Variants in MBNL2 observed in about 807,000 individuals in gnomAD.
MBNL2 encodes the protein muscleblind like splicing regulator 2.
A neutral mutation model predicts 41.9 loss-of-function variants in MBNL2; 17 were observed. The observed-to-expected ratio is 0.41, with a 90% CI of 0.28 to 0.61. The LOEUF is 0.61. Among genes scored for constraint, MBNL2 ranks in the 20% least tolerant of loss-of-function variants. The pLI is 0.35. For missense variants in MBNL2, 336 were observed against 505.6 expected (o/e 0.66, Z 3.22); for synonymous variants, 195 against 182.9 (o/e 1.07, Z -0.53).
intron 8 of MBNL2, among the ~76,000 whole-genome samples, chr13:97,390,199 A>G (rs1168689538): frequency 6.6e-6 from 1 of 152,188 alleles, no homozygotes; most frequent in Non-Finnish European, 1.5e-5. Context: ...GTCTGTTTCA[A>G]TAAAATAAAG....
chr13:97,296,388 A>G (rs2057013843), intron 2 of MBNL2, among the ~76,000 whole-genome samples: 3 of 152,226 alleles, frequency 2.0e-5, no homozygotes, highest in Middle Eastern at 3.2e-3. Flanking sequence ...TCAGATATAC[A>G]CAAGGGAACA....
chr13:97,353,914 A>G (rs1314547501), intron 5 of MBNL2, among the ~76,000 whole-genome samples: 1 of 152,106 alleles, frequency 6.6e-6, no homozygotes, highest in East Asian at 1.9e-4. Flanking sequence ...TTCCTACTTT[A>G]AAGTGGTAGC....
chr13:97,207,686 T>C, the MBNL2 span, among the ~76,000 whole-genome samples: 3 of 152,104 alleles, frequency 2.0e-5, no homozygotes, highest in Admixed American at 2.0e-4. Flanking sequence ...CCCTCCCAAA[T>C]CTCATGTTCT....
intron 2 of MBNL2, among the ~76,000 whole-genome samples, chr13:97,331,505 A>C (rs2060438290): frequency 6.6e-6 from 1 of 152,148 alleles, no homozygotes. Flanking sequence ...TATTATACGA[A>C]AGATCATCAT....
the MBNL2 span, among the ~76,000 whole-genome samples, chr13:97,198,913 C>T: frequency 6.6e-6 from 1 of 152,128 alleles, no homozygotes; most frequent in Non-Finnish European, 1.5e-5. Flanking sequence ...CCCACCGGTC[C>T]TCCTACCTAT....
chr13:97,203,544 C>T, the MBNL2 span, among the ~76,000 whole-genome samples: 5 of 152,098 alleles, frequency 3.3e-5, no homozygotes, highest in East Asian at 1.9e-4. Context: ...TCAAAAGCTG[C>T]GCTCACGGGT....
chr13:97,325,454 G>A (rs2059833483), intron 2 of MBNL2, among the ~76,000 whole-genome samples: 2 of 152,174 alleles, frequency 1.3e-5, no homozygotes, highest in South Asian at 2.1e-4. Context: ...TTAAAGACTG[G>A]GTGCAGTGGC....
intron 1 of MBNL2, among the ~76,000 whole-genome samples, chr13:97,244,082 T>C (rs1346493428): frequency 6.6e-6 from 1 of 152,226 alleles, no homozygotes; most frequent in Non-Finnish European, 1.5e-5. Flanking sequence ...CAGATTCATC[T>C]CATGTAACAA....
chr13:97,233,942 C>T (rs1293463187), intron 1 of MBNL2, among the ~76,000 whole-genome samples: 3 of 148,686 alleles, frequency 2.0e-5, no homozygotes, highest in African/African-American at 5.0e-5. Flanking sequence ...GGCCCCACCA[C>T]ACCACTCCTT....
chr13:97,233,173 A>C (rs1271334005), intron 1 of MBNL2, among the ~76,000 whole-genome samples: 12 of 102,834 alleles, frequency 1.2e-4, no homozygotes, highest in South Asian at 7.1e-4. Context: ...ATATATATAT[A>C]TATCTTTTTA....
chr13:97,335,944 TTAAA>T (rs1377824730), intron 3 of MBNL2, among the ~76,000 whole-genome samples: 1 of 152,236 alleles, frequency 6.6e-6, no homozygotes, highest in Non-Finnish European at 1.5e-5. Flanking sequence ...GTTATACATA[TTAAA>T]TAATGTCTAT....
intron 1 of MBNL2, among the ~76,000 whole-genome samples, chr13:97,252,964 C>T (rs1331718064): frequency 6.6e-6 from 1 of 152,138 alleles, no homozygotes; most frequent in African/African-American, 2.4e-5. Flanking sequence ...TGGTTAGTGA[C>T]AGAGGTCTCT....
intron 5 of MBNL2, among the ~76,000 whole-genome samples, chr13:97,352,115 A>G (rs1462520386): frequency 6.6e-6 from 1 of 152,166 alleles, no homozygotes; most frequent in African/African-American, 2.4e-5. Flanking sequence ...GTGGCTGGTT[A>G]GATCTGTCCA....
At chr13:97,207,949 C>G in the MBNL2 span, among the ~76,000 whole-genome samples, 1 of 152,210 alleles carries the variant, frequency 6.6e-6, no homozygotes, top group Non-Finnish European at 1.5e-5. Context: ...GTAGTCAAAT[C>G]TTAAAGTTCC....
chr13:97,367,596 C>T (rs955362539), intron 8 of MBNL2, among the ~76,000 whole-genome samples: 8 of 152,112 alleles, frequency 5.3e-5, no homozygotes, highest in African/African-American at 1.7e-4. Context: ...AGTGAATCCA[C>T]GATTCCAGCT....
intron 8 of MBNL2, among the ~76,000 whole-genome samples, chr13:97,384,473 G>C (rs1168649911): frequency 6.6e-6 from 1 of 152,176 alleles, no homozygotes; most frequent in Non-Finnish European, 1.5e-5. Flanking sequence ...GGCAAGATCA[G>C]GGCATTTCAG....
At chr13:97,260,286 G>C (rs972282579) in intron 1 of MBNL2, among the ~76,000 whole-genome samples, 3 of 152,174 alleles carry the variant, frequency 2.0e-5, no homozygotes, top group African/African-American at 7.2e-5. Context: ...AGGATGGTTG[G>C]GGGGAGTCAG....
chr13:97,208,511 A>G, the MBNL2 span, among the ~76,000 whole-genome samples: 1 of 152,338 alleles, frequency 6.6e-6, no homozygotes, highest in Non-Finnish European at 1.5e-5. Context: ...AAGCTGATTC[A>G]TGGATTTCTC....
intron 2 of MBNL2, among the ~76,000 whole-genome samples, chr13:97,302,585 G>A (rs921584522): frequency 5.3e-5 from 8 of 152,362 alleles, no homozygotes; most frequent in African/African-American, 1.7e-4. Context: ...TTTTGTGGAT[G>A]TGACAGATGA....
Sources: gnomAD v4.1 joint callset for allele counts (sites outside exome capture counted in the v4.1 genomes callset) on GRCh38, gnomAD v4.1.1 for gene constraint, MANE v1.5 for transcripts, NCBI Gene and HGNC (gene_info 2026-07-23, HGNC 2026-07-21) for gene names.